The following CCDC158 variants were observed in gnomAD, a reference collection of about 807,000 sequenced individuals.
CCDC158 encodes the protein coiled-coil domain containing 158.
A neutral mutation model predicts 138.6 loss-of-function variants in CCDC158; 116 were observed. The ratio of observed to expected loss-of-function variants is 0.84; its 90% CI spans 0.72 to 0.98. CCDC158 has a LOEUF of 0.98. CCDC158 is among the 50% of genes least tolerant of loss of function. The pLI is 0.00. For missense variants in CCDC158, 1,265 were observed against 1,306.1 expected, an observed-to-expected ratio of 0.97 and a Z score of 0.48; for synonymous variants, 436 against 442.4, an observed-to-expected ratio of 0.99 and a Z score of 0.18.
chr4:76,372,285 T>A (rs889151420), intron 9 of CCDC158, among the ~76,000 whole-genome samples: 1 of 151,978 alleles, frequency 6.6e-6, no homozygotes, highest in Admixed American at 6.6e-5. Context: ...CAAAAAATAT[T>A]TTTTTAAAGG....
chr4:76,395,295 G>A (rs967175046), intron 4 of CCDC158, among the ~76,000 whole-genome samples: 1 of 151,936 alleles, frequency 6.6e-6, no homozygotes, highest in African/African-American at 2.4e-5. Context: ...ATTCATTTTT[G>A]TATCCCTGTG....
chr4:76,377,147 A>G (rs1217773104), intron 9 of CCDC158, among the ~76,000 whole-genome samples: 1 of 152,224 alleles, frequency 6.6e-6, no homozygotes, highest in African/African-American at 2.4e-5. Context: ...TGTCCAAATC[A>G]GCATGATACT....
At chr4:76,322,163 C>T (rs1328145143) in intron 24 of CCDC158, among the ~76,000 whole-genome samples, 1 of 152,068 alleles carries the variant, frequency 6.6e-6, no homozygotes, top group Admixed American at 6.6e-5. Context: ...AATGCTAAAA[C>T]CCCACAAATT....
At chr4:76,403,802 G>A (rs1034133056) in intron 2 of CCDC158, among the ~76,000 whole-genome samples, 1 of 152,160 alleles carries the variant, frequency 6.6e-6, no homozygotes, top group Non-Finnish European at 1.5e-5. Flanking sequence ...AAGACAGAGA[G>A]TACCACAACC....
At chr4:76,393,765 G>T (rs1426380481) in intron 4 of CCDC158, among the ~76,000 whole-genome samples, 1 of 151,932 alleles carries the variant, frequency 6.6e-6, no homozygotes, top group African/African-American at 2.4e-5. Context: ...TATATAAGGA[G>T]CTCAAACAAC....
At chr4:76,345,621 T>C in intron 18 of CCDC158, 5 of 899,510 alleles carry the variant, frequency 5.6e-6, no homozygotes, top group Admixed American at 3.4e-5. Flanking sequence ...AATAAATGAA[T>C]GTGAAAGAAA....
At chr4:76,333,241 ATTAT>A (rs1298139544) in intron 19 of CCDC158, among the ~76,000 whole-genome samples, 1 of 152,152 alleles carries the variant, frequency 6.6e-6, no homozygotes, top group African/African-American at 2.4e-5. Flanking sequence ...GAAACTGGAG[ATTAT>A]TTATATATAG....
At chr4:76,313,282 T>C (rs765762522) in intron 24 of CCDC158, 36 bp from the exon 25 acceptor site, 1 of 1,328,318 alleles carries the variant, frequency 7.5e-7, no homozygotes, top group East Asian at 2.3e-5. Context: ...AATAACAAAA[T>C]CTACTTAGGC....
Position 76,316,900 on chromosome 4 carries a change from CAAAAAAAAA to C in CCDC158, c.3278-3663_3278-3655del, listed in dbSNP as rs77150446. ...AAGGACAGATAAAGTCTTTTGCAGACAAAAAAAAAAAAAAAAAAAAAAATGCTGAGAGAA... is the reference window on the plus strand; with the variant it reads ...AAGGACAGATAAAGTCTTTTGCAGACAAAAAAAAAAAAAATGCTGAGAGAA... On this transcript the variant is annotated intron_variant, in intron 24 of 24. Transcript: ENST00000682701. 8.6e-3 allele frequency among the ~76,000 whole-genome samples: 538 copies of C among 62,646 alleles called. 4 individuals are homozygous for C. Among genetic ancestry groups the C allele is most frequent in the African/African-American group, 0.03 (514 of 16,854 alleles). The allele number at this position is 62,646 out of a possible 152,430, so 41.1% of individuals were successfully genotyped here.
chr4:76,348,369 A>G lies in CCDC158; in HGVS notation c.2664+2627T>C, dbSNP rs539641197. 4.3e-3 allele frequency among the ~76,000 whole-genome samples: 586 copies of G among 137,270 alleles called. 4 individuals carry two copies. The highest frequency in any genetic ancestry group is 0.015 in the African/African-American group (555 of 37,190). 90.1% of individuals were successfully genotyped at this position (137,270 alleles called of 152,430 possible). ...AGAATGGCGTGAACCCGGAAGGCGG[A>G]GCTTGTGGTGAGCTGAGATTGTGCC... On this transcript the variant is annotated intron_variant, in intron 18 of 24. Transcript: ENST00000682701.
intron 24 of CCDC158, among the ~76,000 whole-genome samples, chr4:76,316,351 G>A (rs1201160873): frequency 6.6e-6 from 1 of 152,132 alleles, no homozygotes; most frequent in Non-Finnish European, 1.5e-5. Context: ...ACAAGTAGAA[G>A]AGAGACCTTC....
At chr4:76,410,892 C>T (rs931327800) in intron 2 of CCDC158, among the ~76,000 whole-genome samples, 24 of 152,122 alleles carry the variant, frequency 1.6e-4, no homozygotes, top group Admixed American at 1.6e-3. Flanking sequence ...ACTAGCTGTG[C>T]CACCTTGAGA....
intron 19 of CCDC158, among the ~76,000 whole-genome samples, chr4:76,332,985 A>G (rs933627427): frequency 6.6e-6 from 1 of 152,192 alleles, no homozygotes; most frequent in Non-Finnish European, 1.5e-5. Context: ...AAATAAGTGT[A>G]ATAATACTGC....
intron 18 of CCDC158, chr4:76,344,743 C>G: frequency 1.2e-6 from 2 of 1,613,576 alleles, no homozygotes. Context: ...CTTATTGAAA[C>G]AACAGACTAT....
rs768137193 is a variant in CCDC158 at position 76,353,105 on chromosome 4, T to A, written c.2445+18A>T. ...CTATTTAGTTGATAATTACTTCATA[T>A]GTTTAGTTAATAATTACCTTATCCA... is the stretch of plus-strand genomic sequence containing the variant. On this transcript the variant is annotated intron_variant, in intron 16 of 24. Coordinates refer to ENST00000682701, the MANE Select transcript of CCDC158 (RefSeq NM_001394954.1). 8.2e-6 allele frequency: 13 copies of A among 1,586,914 alleles called. No homozygotes were observed. The highest frequency in any genetic ancestry group is 1.1e-5 in the Non-Finnish European group (13 of 1,161,544).
intron 1 of CCDC158, among the ~76,000 whole-genome samples, chr4:76,416,686 G>A (rs1729727108): frequency 6.6e-6 from 1 of 152,216 alleles, no homozygotes; most frequent in Admixed American, 6.5e-5. Context: ...TTCAGAGACT[G>A]GAAACTCCAA....
At chr4:76,350,557 AT>A (rs956650627) in intron 18 of CCDC158, among the ~76,000 whole-genome samples, 12 of 152,318 alleles carry the variant, frequency 7.9e-5, no homozygotes, top group African/African-American at 2.9e-4. Context: ...AAACTAAAAA[AT>A]TTCCAAAGTT....
chr4:76,379,255 G>A (rs116383392), intron 9 of CCDC158, 35 bp downstream of exon 9: 40,505 of 1,191,640 alleles, frequency 0.034, 989 homozygotes, highest in Non-Finnish European at 0.039. Context: ...GGATATTAAA[G>A]TCTCTAGAAA....
At chr4:76,342,201 G>A (rs1722121328) in intron 18 of CCDC158, among the ~76,000 whole-genome samples, 2 of 151,518 alleles carry the variant, frequency 1.3e-5, no homozygotes, top group African/African-American at 4.9e-5. Flanking sequence ...CAACATGTCT[G>A]AATAATTTTT....
Sources: gnomAD v4.1 joint callset for allele counts (sites outside exome capture counted in the v4.1 genomes callset) on GRCh38, gnomAD v4.1.1 for gene constraint, MANE v1.5 for transcripts, NCBI Gene and HGNC (gene_info 2026-07-23, HGNC 2026-07-21) for gene names.